The following DNM2 variants were observed in gnomAD, a reference collection of about 807,000 sequenced individuals.
DNM2 encodes dynamin-2.
DNM2 carries 15 observed loss-of-function variants against 99.0 expected under a neutral mutation model. The ratio of observed to expected loss-of-function variants is 0.15; its 90% CI spans 0.10 to 0.23. The LOEUF (loss-of-function observed/expected upper bound fraction) is 0.23. Among genes scored for constraint, DNM2 ranks in the 10% least tolerant of loss-of-function variants. DNM2 has a pLI of 1.00. For missense variants in DNM2, 742 were observed against 1,189.4 expected, an observed-to-expected ratio of 0.62 and a Z score of 5.53; for synonymous variants, 525 against 481.2, an observed-to-expected ratio of 1.09 and a Z score of -1.19.
intron 1 of DNM2, among the ~76,000 whole-genome samples, chr19:10,734,369 C>T (rs1425310662): frequency 1.4e-5 from 2 of 148,144 alleles, no homozygotes; most frequent in East Asian, 4.0e-4. Flanking sequence ...GGAAGGGAGG[C>T]CAGGTACAGT....
intron 1 of DNM2, among the ~76,000 whole-genome samples, chr19:10,730,757 G>A (rs1181664164): frequency 6.6e-6 from 1 of 152,186 alleles, no homozygotes; most frequent in Non-Finnish European, 1.5e-5. Context: ...GGCTAGCAGC[G>A]TCCCCTCCAG....
rs1165172894 is a variant in DNM2, at chr19:10,775,603, C to T, written c.386-100C>T. On this transcript the variant is annotated intron_variant, in intron 3 of 20. Coordinates refer to ENST00000389253, the MANE Select transcript of DNM2 (RefSeq NM_001005361.3). This position sits in a 1 kb window ranked among gnomAD's most constrained non-coding sequence, Gnocchi z 4.3. ...GTCAGGCGACATCCTCAAGTCTGAG[C>T]CCCGCGCAGGAACTTTGGTAGTCAG... 1.5e-6 allele frequency: 2 copies of T among 1,328,028 alleles called. No individual in the cohort carries two copies. 82.3% of individuals were successfully genotyped at this position (1,328,028 alleles called of 1,614,324 possible). A position where few individuals can be genotyped will look rare whatever the true frequency, so the allele number is the denominator to read the frequency against.
chr19:10,749,907 T>C (rs1316461298), intron 1 of DNM2, among the ~76,000 whole-genome samples: 1 of 152,146 alleles, frequency 6.6e-6, no homozygotes, highest in Non-Finnish European at 1.5e-5. Context: ...TGGGAGGGTT[T>C]CCTGGCAGAG....
chr19:10,732,116 G>A (rs536284554), intron 1 of DNM2, among the ~76,000 whole-genome samples: 14 of 151,366 alleles, frequency 9.2e-5, no homozygotes, highest in Middle Eastern at 3.4e-3. Context: ...CATCACACCC[G>A]GCTAATTTTT....
chr19:10,720,216 A>AC (rs2068892363), intron 1 of DNM2, among the ~76,000 whole-genome samples: 1 of 140,674 alleles, frequency 7.1e-6, no homozygotes, highest in South Asian at 2.2e-4. Context: ...TTATTTATTT[A>AC]TTTTTTTTTT....
chr19:10,819,918 C>A, intron 15 of DNM2, 62 bp from the exon 16 acceptor site: 1 of 1,516,538 alleles, frequency 6.6e-7, no homozygotes, highest in Non-Finnish European at 9.2e-7. Context: ...CACGCTCTGG[C>A]CTGGGGCATC....
intron 15 of DNM2, among the ~76,000 whole-genome samples, chr19:10,814,207 T>A (rs758770440): frequency 6.6e-6 from 1 of 151,394 alleles, no homozygotes; most frequent in Non-Finnish European, 1.5e-5. Flanking sequence ...GCTCACGCCA[T>A]TAATCCCAGC....
rs1599443229 is a variant in DNM2, at chr19:10,736,033, C to T, written c.161+17630C>T. Among the ~76,000 whole-genome samples the T allele has an allele frequency of 2.0e-5, 3 of 152,086 alleles. No individual in the cohort carries two copies. The South Asian group carries it at 6.2e-4, about 32-fold the overall frequency. On this transcript the variant is annotated intron_variant, in intron 1 of 20. Transcript: ENST00000389253. Reference sequence around the variant, plus strand: ...GCCTGTAATCCTAACACTTTGGAGGCAGGTGGATCACTTGAGGTCAGGAGT... The same window carrying T: ...GCCTGTAATCCTAACACTTTGGAGGTAGGTGGATCACTTGAGGTCAGGAGT...
At chr19:10,729,854 A>G (rs1446555156) in intron 1 of DNM2, among the ~76,000 whole-genome samples, 1 of 151,018 alleles carries the variant, frequency 6.6e-6, no homozygotes. Context: ...ACGTGGCACC[A>G]TTATGGGTGG....
At chr19:10,723,322 G>A (rs1016476232) in intron 1 of DNM2, among the ~76,000 whole-genome samples, 2 of 151,982 alleles carry the variant, frequency 1.3e-5, no homozygotes, top group Non-Finnish European at 2.9e-5. Flanking sequence ...TAGTAGAGGC[G>A]GGGTTTTCCC....
rs751697107 is a variant in DNM2 at position 10,812,359 on chromosome 19, C to G, written c.1653C>G (p.Ser551=). 1 of 1,609,182 alleles carries G rather than the reference C, an allele frequency of 6.2e-7. No individual in the cohort carries two copies. Among genetic ancestry groups the G allele is most frequent in the South Asian group, 1.1e-5 (1 of 90,674 alleles). The change falls in exon 15 of 21, where the codon TCC becomes TCG. Residue 551 remains serine (S), a synonymous_variant. Transcript: ENST00000389253. The surrounding 1 kb of genome is among the most constrained non-coding windows in gnomAD (Gnocchi z 4.0). ...TTGTGCTGACTGCCGAGTCACTGTC[C>G]TGGTACAAGGATGAGGAGGTGAGTG... ...YWFVLTAESL[S]WYKDEEEKEK...
chr19:10,741,880 T>C (rs1318282656), intron 1 of DNM2, among the ~76,000 whole-genome samples: 1 of 151,886 alleles, frequency 6.6e-6, no homozygotes, highest in Non-Finnish European at 1.5e-5. Context: ...GCTTTTTCCT[T>C]CCTCCCTCCC....
At position 10,830,519 on chromosome 19, in the gene DNM2, A is replaced by G. The variant is rs2146211469; in HGVS notation, c.2543+141A>G. 2 of 1,055,250 alleles carry G rather than the reference A, an allele frequency of 1.9e-6. No individual in the cohort carries two copies. Among genetic ancestry groups the G allele is most frequent in the African/African-American group, 1.6e-5 (1 of 63,242 alleles). 65.4% of individuals were successfully genotyped at this position (1,055,250 alleles called of 1,614,324 possible). On this transcript the variant is annotated intron_variant, in intron 20 of 20. Coordinates refer to ENST00000389253, the MANE Select transcript of DNM2 (RefSeq NM_001005361.3). This position sits in a 1 kb window ranked among gnomAD's most constrained non-coding sequence, Gnocchi z 4.8. ...CGTCCTCATCCCTATTTGGCTTGCG[A>G]GGAAACAGGCCCAGAGAGGCCAAGA...
intron 1 of DNM2, among the ~76,000 whole-genome samples, chr19:10,732,327 G>T (rs1418155996): frequency 6.7e-6 from 1 of 150,116 alleles, no homozygotes; most frequent in East Asian, 2.0e-4. Context: ...AACAGGCCGG[G>T]CGGTGGCTCA....
chr19:10,831,067 C>G lies in DNM2; in HGVS notation c.*20C>G, dbSNP rs2073335985. The stretch of plus-strand genomic sequence containing the variant: ...GACTAGGCCTCGAGGGGGGCGTGCT[C>G]TCGGGGGGGCCTCACGCACCCGCGG... On this transcript the variant is annotated 3_prime_UTR_variant, in exon 21 of 21. Transcript: ENST00000389253. This position sits in a 1 kb window ranked among gnomAD's most constrained non-coding sequence, Gnocchi z 4.3. 4 of 1,586,992 alleles carry G rather than the reference C, an allele frequency of 2.5e-6. No individual in the cohort carries two copies. Among genetic ancestry groups the G allele is most frequent in the Non-Finnish European group, 3.4e-6 (4 of 1,166,398 alleles).
intron 17 of DNM2, chr19:10,824,543 C>T (rs1405567764): frequency 9.9e-6 from 2 of 202,146 alleles, no homozygotes; most frequent in Non-Finnish European, 2.0e-5. Context: ...TGGTGGCTTA[C>T]ACCTGCAATC....
intron 1 of DNM2, among the ~76,000 whole-genome samples, chr19:10,727,836 G>C (rs1250577994): frequency 6.6e-6 from 1 of 152,104 alleles, no homozygotes; most frequent in Non-Finnish European, 1.5e-5. Flanking sequence ...CCCCTCGGCT[G>C]CTGAAAAAAA....
intron 1 of DNM2, among the ~76,000 whole-genome samples, chr19:10,735,743 T>C (rs983324832): frequency 6.6e-6 from 1 of 151,718 alleles, no homozygotes. Context: ...ACTCCTAGAC[T>C]CATGTAATAA....
At chr19:10,742,974 C>T (rs912678786) in intron 1 of DNM2, among the ~76,000 whole-genome samples, 1 of 146,858 alleles carries the variant, frequency 6.8e-6, no homozygotes, top group African/African-American at 2.5e-5. Flanking sequence ...GGTGCAGTGG[C>T]TCAGTCTCCG....
Sources: allele counts gnomAD v4.1 joint callset (sites outside exome capture counted in the v4.1 genomes callset), GRCh38; gene constraint gnomAD v4.1.1; non-coding constraint Gnocchi (gnomAD v3.1); transcripts MANE v1.5; gene names NCBI Gene and HGNC (gene_info 2026-07-23, HGNC 2026-07-21).